Variants in SRCAP observed in about 807,000 individuals in gnomAD.
The protein encoded by SRCAP is Snf2 related CREBBP activator protein, also known as chromatin remodeling protein SRCAP.
In SRCAP, 46 loss-of-function variants were observed where a neutral mutation model predicts 263.1. The ratio of observed to expected loss-of-function variants is 0.17; its 90% CI spans 0.14 to 0.22. The LOEUF is 0.22. Ranked by LOEUF, SRCAP falls within the 10% of genes least tolerant of loss-of-function variation. SRCAP has a pLI of 1.00. For synonymous variants in SRCAP, 1,813 were observed against 1,662.1 expected (o/e 1.09, Z -2.21); for missense variants, 3,695 against 4,181.9 (o/e 0.88, Z 3.21).
At position 30,737,432 on chromosome 16, in the gene SRCAP, C is replaced by A. The variant is rs374697927; in HGVS notation, c.7392C>A (p.Ala2464=). Residue 2464 remains alanine, a synonymous_variant, in exon 34 of 34, where the codon GCC becomes GCA. Coordinates refer to ENST00000262518, the MANE Select transcript of SRCAP (RefSeq NM_006662.3). ...CCCTTGTTCCTGTCCCAGTTTCTGC[C>A]CCAGTACCCATTTCAGCCCCAAATC... ...IPALVPVPVS[A]PVPISAPNPI... 2.5e-6 allele frequency: 4 copies of A among 1,598,886 alleles called. No individual in the cohort carries two copies. The highest frequency in any genetic ancestry group is 1.7e-6 in the Non-Finnish European group (2 of 1,172,048).
chr16:30,737,106 C>T lies in SRCAP; in HGVS notation c.7066C>T (p.Leu2356=), dbSNP rs760636685. The T allele has an allele frequency of 1.9e-6, 3 of 1,612,710 alleles. No individual in the cohort carries two copies. Among genetic ancestry groups the T allele is most frequent in the Non-Finnish European group, 2.5e-6 (3 of 1,179,200 alleles). ...CCAAGCCAAGGAGGAGGTGTTCCGC[C>T]TACCCCAAGAGGAGGAGGAGGGGCC... The part of the protein sequence containing the change: ...LDQAKEEVFR[L]PQEEEEGPGA... Residue 2356 remains leucine, a synonymous_variant, in exon 34 of 34, where the codon CTA becomes TTA. Coordinates refer to ENST00000262518, the MANE Select transcript of SRCAP (RefSeq NM_006662.3).
chr16:30,735,647 C>G (rs1186113125), intron 31 of SRCAP, among the ~76,000 whole-genome samples: 1 of 134,538 alleles, frequency 7.4e-6, no homozygotes, highest in East Asian at 2.3e-4. Flanking sequence ...GTGGCGCGAT[C>G]TCGGCTCACT....
Position 30,739,391 on chromosome 16 carries a change from G to C in SRCAP, c.9351G>C (p.Leu3117=). The part of the protein sequence containing the change: ...TPPVVSLTPK[L]RSTRLRPGSL... Reference sequence around the variant, plus strand: ...CTGTGGTCTCACTAACCCCAAAACTGCGCTCGACCCGGCTGCGTCCAGGGT... The same window carrying C: ...CTGTGGTCTCACTAACCCCAAAACTCCGCTCGACCCGGCTGCGTCCAGGGT... Residue 3117 remains leucine (L), a synonymous_variant, in exon 34 of 34, where the codon CTG becomes CTC. Coordinates refer to ENST00000262518, the MANE Select transcript of SRCAP (RefSeq NM_006662.3). 1 of 1,614,214 alleles carries C rather than the reference G, an allele frequency of 6.2e-7. No homozygotes were observed. Among genetic ancestry groups the C allele is most frequent in the Non-Finnish European group, 8.5e-7 (1 of 1,180,026 alleles).
intron 2 of SRCAP, 29 bp from the exon 3 acceptor site, chr16:30,700,587 C>T (rs1304660026): frequency 8.6e-6 from 3 of 348,090 alleles, no homozygotes; most frequent in Non-Finnish European, 1.6e-5. Context: ...GCATTTCTGT[C>T]TTTTTTTTTT....
Position 30,738,111 on chromosome 16 carries a change from C to T in SRCAP, c.8071C>T (p.Gln2691Ter). The T allele has an allele frequency of 6.2e-7, 1 of 1,614,176 alleles. No homozygotes were observed. The highest frequency in any genetic ancestry group is 8.5e-7 in the Non-Finnish European group (1 of 1,180,040). Residue 2691 changes from glutamine to a stop codon, truncating the protein, a stop_gained, in exon 34 of 34, where the codon CAG becomes TAG. Transcript: ENST00000262518. LOFTEE classifies it high-confidence loss of function. ...CCCAACCTCCAGCCCAGAGAAGCCA[C>T]AGGAACTCGTTACAGCTGAGGTTGC... ...KTPTSSPEKP[Q>*]ELVTAEVAAP...
chr16:30,710,487 T>A (rs537006937), intron 8 of SRCAP: 2 of 736,758 alleles, frequency 2.7e-6, no homozygotes, highest in East Asian at 2.6e-5. Flanking sequence ...TTTCTGTTTC[T>A]CCATATGTCT....
At chr16:30,715,546 CAG>C (rs772404125) in intron 16 of SRCAP, among the ~76,000 whole-genome samples, 129 of 149,434 alleles carry the variant, frequency 8.6e-4, no homozygotes, top group Admixed American at 1.5e-3. Flanking sequence ...GCCTGGGTGA[CAG>C]AGCGCAACTT....
chr16:30,705,231 C>T (rs975183497), intron 4 of SRCAP, among the ~76,000 whole-genome samples: 15 of 151,980 alleles, frequency 9.9e-5, no homozygotes, highest in East Asian at 7.8e-4. Context: ...AACTGGGAAC[C>T]GGAGGTTGCA....
intron 18 of SRCAP, among the ~76,000 whole-genome samples, chr16:30,718,150 G>A (rs1391807535): frequency 1.3e-5 from 2 of 152,088 alleles, no homozygotes; most frequent in African/African-American, 4.8e-5. Context: ...TGGGATTATA[G>A]GCGTGAGCTA....
rs778322374 is a variant in SRCAP, at chr16:30,729,115, C to T, written c.5808C>T (p.Ile1936=). The part of the protein sequence containing the change: ...CTLPQPVASP[I]GPRSPGPSHP... Reference sequence around the variant, plus strand: ...TGCCCCAACCTGTTGCCAGCCCCATCGGCCCTCGTTCTCCTGGCCCCAGCC... The same window carrying T: ...TGCCCCAACCTGTTGCCAGCCCCATTGGCCCTCGTTCTCCTGGCCCCAGCC... The change falls in exon 26 of 34, where the codon ATC becomes ATT. Residue 1936 remains isoleucine (I), a synonymous_variant. Transcript: ENST00000262518. 6 of 1,614,098 alleles carry T rather than the reference C, an allele frequency of 3.7e-6. No individual in the cohort carries two copies. The highest frequency in any genetic ancestry group is 2.2e-5 in the East Asian group (1 of 44,886).
intron 4 of SRCAP, 38 bp from the exon 5 acceptor site, chr16:30,707,145 G>A (rs1322019847): frequency 3.1e-6 from 5 of 1,605,632 alleles, no homozygotes; most frequent in Admixed American, 1.7e-5. Context: ...TGGAGTGTGT[G>A]TTTAGAACTG....
chr16:30,705,254 G>T (rs549216421), intron 4 of SRCAP, among the ~76,000 whole-genome samples: 2 of 151,892 alleles, frequency 1.3e-5, no homozygotes, highest in South Asian at 4.2e-4. Flanking sequence ...GACCTGAGAT[G>T]ATGCCACTGC....
In SRCAP at chr16:30,716,048, A is replaced by G; in HGVS notation, c.2494-18A>G. The G allele has an allele frequency of 6.2e-7, 1 of 1,613,828 alleles. No individual in the cohort carries two copies. Among genetic ancestry groups the G allele is most frequent in the Non-Finnish European group, 8.5e-7 (1 of 1,180,010 alleles). The stretch of plus-strand genomic sequence containing the variant: ...GCCTGAGTTCTCCTGTTTAGCCTCC[A>G]GCTTAATTTGCTTTTAGGTTTTGAG... On this transcript the variant is annotated intron_variant, in intron 16 of 33. Coordinates refer to ENST00000262518, the MANE Select transcript of SRCAP (RefSeq NM_006662.3).
At chr16:30,700,903 C>T (rs751064614) in intron 3 of SRCAP, 25 bp downstream of exon 3, 3 of 1,612,402 alleles carry the variant, frequency 1.9e-6, no homozygotes, top group East Asian at 4.5e-5. Flanking sequence ...AGAGTTCCTT[C>T]TCTGCTTCTG....
At position 30,738,662 on chromosome 16, in the gene SRCAP, G is replaced by T; in HGVS notation, c.8622G>T (p.Gly2874=). 6.2e-7 allele frequency: 1 copy of T among 1,613,228 alleles called. No individual in the cohort carries two copies. Among genetic ancestry groups the T allele is most frequent in the Non-Finnish European group, 8.5e-7 (1 of 1,179,626 alleles). The change falls in exon 34 of 34, where the codon GGG becomes GGT. Residue 2874 remains glycine, a synonymous_variant. Coordinates refer to ENST00000262518, the MANE Select transcript of SRCAP (RefSeq NM_006662.3). ...PKKNRSPADA[G]RGVDEAPSST... ...AGAACAGGTCTCCAGCAGATGCTGG[G>T]AGAGGTGTGGATGAGGCACCCTCAT...
In SRCAP at chr16:30,722,704, C is replaced by T; in HGVS notation, c.3848C>T (p.Thr1283Ile). ...CTGCCTTCTTCGACCCCCAGCACCACCCCTGCCCCTACTGGCCTCAGCCTT... is the reference window on the plus strand; with the variant it reads ...CTGCCTTCTTCGACCCCCAGCACCATCCCTGCCCCTACTGGCCTCAGCCTT... ...SVLPSSTPST[T>I]PAPTGLSLPL... The change falls in exon 23 of 34, where the codon ACC becomes ATC. Residue 1283 changes from threonine to isoleucine, a missense_variant. Physicochemically the swap from Thr to Ile is moderately conservative, Grantham distance 89. Transcript: ENST00000262518. 6.2e-7 allele frequency: 1 copy of T among 1,613,866 alleles called. No individual in the cohort carries two copies. The highest frequency in any genetic ancestry group is 1.1e-5 in the South Asian group (1 of 91,064).
intron 30 of SRCAP, 98 bp from the exon 31 acceptor site, chr16:30,734,398 T>C: frequency 6.5e-7 from 1 of 1,543,858 alleles, no homozygotes; most frequent in Non-Finnish European, 8.8e-7. Flanking sequence ...CTTCAACCAG[T>C]GGTACCCCTG....
In SRCAP at chr16:30,738,671, G is replaced by T; in HGVS notation, c.8631G>T (p.Val2877=). The change falls in exon 34 of 34, where the codon GTG becomes GTT. Residue 2877 remains valine (V), a synonymous_variant. Coordinates refer to ENST00000262518, the MANE Select transcript of SRCAP (RefSeq NM_006662.3). ...NRSPADAGRG[V]DEAPSSTLKG... ...CTCCAGCAGATGCTGGGAGAGGTGTGGATGAGGCACCCTCATCCACCTTGA... is the reference window on the plus strand; with the variant it reads ...CTCCAGCAGATGCTGGGAGAGGTGTTGATGAGGCACCCTCATCCACCTTGA... 1 of 1,613,536 alleles carries T rather than the reference G, an allele frequency of 6.2e-7. No individual in the cohort carries two copies. The highest frequency in any genetic ancestry group is 8.5e-7 in the Non-Finnish European group (1 of 1,179,810).
chr16:30,704,079 A>G lies in SRCAP; in HGVS notation c.70A>G (p.Met24Val), dbSNP rs759036317. The change falls in exon 4 of 34, where the codon ATG (methionine) becomes GTG (valine). Residue 24 changes from methionine (M) to valine (V), a missense_variant. Transcript: ENST00000262518. The part of the protein sequence containing the change: ...VLQTQMVSDG[M>V]TGSNPVSPAS... Reference sequence around the variant, plus strand: ...TCTTTTCTAGATGGTGTCGGACGGCATGACAGGCAGCAATCCTGTGTCCCC... The same window carrying G: ...TCTTTTCTAGATGGTGTCGGACGGCGTGACAGGCAGCAATCCTGTGTCCCC... 1 of 1,613,476 alleles carries G rather than the reference A, an allele frequency of 6.2e-7. No homozygotes were observed. The highest frequency in any genetic ancestry group is 1.7e-5 in the Admixed American group (1 of 59,946).
Sources: allele counts gnomAD v4.1 joint callset (sites outside exome capture counted in the v4.1 genomes callset), GRCh38; gene constraint gnomAD v4.1.1; transcripts MANE v1.5; gene names NCBI Gene and HGNC (gene_info 2026-07-23, HGNC 2026-07-21).